Variants in HECW1 observed in about 807,000 individuals in gnomAD.
The protein encoded by HECW1 is HECT, C2 and WW domain containing E3 ubiquitin protein ligase 1, also known as E3 ubiquitin-protein ligase HECW1.
In HECW1, 61 loss-of-function variants were observed where a neutral mutation model predicts 182.3. That is an observed-to-expected ratio of 0.33 (90% CI 0.27 to 0.41). The LOEUF (loss-of-function observed/expected upper bound fraction) is 0.41. Among genes scored for constraint, HECW1 ranks in the 10% least tolerant of loss-of-function variants. HECW1 has a pLI of 1.00. For missense variants in HECW1, 1,739 were observed against 2,108.9 expected (o/e 0.82, Z 3.44); for synonymous variants, 859 against 832.6 (o/e 1.03, Z -0.55).
intron 2 of HECW1, among the ~76,000 whole-genome samples, chr7:43,162,214 A>G (rs1583763087): frequency 6.6e-6 from 1 of 152,340 alleles, no homozygotes; most frequent in South Asian, 2.1e-4. Context: ...TTAGTGGATC[A>G]GTTTCCTTGG....
chr7:43,401,962 G>A (rs990394966), intron 7 of HECW1, among the ~76,000 whole-genome samples: 1 of 152,038 alleles, frequency 6.6e-6, no homozygotes, highest in Non-Finnish European at 1.5e-5. Flanking sequence ...AAGGAGAGAA[G>A]AGAAGGAGCA....
intron 3 of HECW1, among the ~76,000 whole-genome samples, chr7:43,281,134 C>T (rs1184512619): frequency 3.3e-5 from 5 of 152,102 alleles, no homozygotes; most frequent in Admixed American, 1.3e-4. Flanking sequence ...CCCTCACCTC[C>T]GCCCACCCAA....
chr7:43,388,466 T>G (rs1338057160), intron 6 of HECW1, among the ~76,000 whole-genome samples: 1 of 152,160 alleles, frequency 6.6e-6, no homozygotes, highest in Admixed American at 6.5e-5. Context: ...AACTTCCTAA[T>G]TTTAATTACA....
At chr7:43,188,006 A>T (rs910525673) in intron 2 of HECW1, among the ~76,000 whole-genome samples, 1 of 152,216 alleles carries the variant, frequency 6.6e-6, no homozygotes, top group African/African-American at 2.4e-5. Flanking sequence ...GCACCGTAGC[A>T]CATACCTTGT....
chr7:43,413,516 T>G (rs1263612854), intron 8 of HECW1, among the ~76,000 whole-genome samples: 1 of 26,164 alleles, frequency 3.8e-5, no homozygotes. Context: ...GTTTTGGACA[T>G]GAAGTCCTTG....
intron 2 of HECW1, among the ~76,000 whole-genome samples, chr7:43,203,228 T>C (rs1035311543): frequency 3.3e-5 from 5 of 152,204 alleles, no homozygotes; most frequent in African/African-American, 9.6e-5. Flanking sequence ...ATATTATCTT[T>C]ATCATCATCA....
chr7:43,311,697 G>T (rs369668930), intron 3 of HECW1, 66 bp from the exon 4 acceptor site: 581 of 1,460,968 alleles, frequency 4.0e-4, no homozygotes, highest in Non-Finnish European at 5.0e-4. Context: ...TTTCGTTTTC[G>T]TGTGATGACG....
At chr7:43,264,089 G>A (rs73318492) in intron 3 of HECW1, among the ~76,000 whole-genome samples, 2,890 of 152,208 alleles carry the variant, frequency 0.019, 89 homozygotes, top group African/African-American at 0.065. Context: ...GTTATTTTTT[G>A]TGGTGAGAAC....
intron 16 of HECW1, among the ~76,000 whole-genome samples, chr7:43,478,787 T>TA (rs748260046): frequency 6.6e-6 from 1 of 152,120 alleles, no homozygotes; most frequent in Non-Finnish European, 1.5e-5. Flanking sequence ...CATTCTATAA[T>TA]AAAAAAGAGC....
intron 5 of HECW1, among the ~76,000 whole-genome samples, chr7:43,353,136 G>T (rs552641064): frequency 6.6e-6 from 1 of 151,784 alleles, no homozygotes; most frequent in African/African-American, 2.4e-5. Flanking sequence ...TGGTCACCCC[G>T]GCCCAAACTT....
At chr7:43,396,930 A>G (rs775172566) in intron 7 of HECW1, 41 bp downstream of exon 7, 1 of 1,429,212 alleles carries the variant, frequency 7.0e-7, no homozygotes, top group Non-Finnish European at 9.9e-7. Flanking sequence ...GAGACTAAGA[A>G]TGTCAACCAA....
chr7:43,407,418 A>AC, intron 7 of HECW1, 144 bp from the exon 8 acceptor site: 1 of 598,874 alleles, frequency 1.7e-6, no homozygotes. Context: ...TCACTCCTTC[A>AC]CCCCAGCCTG....
At chr7:43,537,298 A>G (rs1476626019) in intron 24 of HECW1, among the ~76,000 whole-genome samples, 1 of 152,238 alleles carries the variant, frequency 6.6e-6, no homozygotes, top group African/African-American at 2.4e-5. Context: ...AACTCTATTT[A>G]TGCCAAGTAA....
chr7:43,124,290 G>T (rs9791927), intron 2 of HECW1, among the ~76,000 whole-genome samples: 3 of 152,288 alleles, frequency 2.0e-5, no homozygotes, highest in Admixed American at 2.0e-4. Flanking sequence ...GTATAAATTC[G>T]CAAATAGCTT....
At chr7:43,287,405 T>G (rs943470843) in intron 3 of HECW1, among the ~76,000 whole-genome samples, 1 of 151,044 alleles carries the variant, frequency 6.6e-6, no homozygotes, top group Non-Finnish European at 1.5e-5. Context: ...GAGCCAGGAG[T>G]CCAGGGTTGC....
intron 17 of HECW1, among the ~76,000 whole-genome samples, chr7:43,489,902 A>G (rs1447101698): frequency 1.3e-5 from 2 of 152,184 alleles, no homozygotes; most frequent in East Asian, 3.8e-4. Context: ...ACTTGTCTAG[A>G]CTTTGTAGCA....
intron 2 of HECW1, among the ~76,000 whole-genome samples, chr7:43,127,661 TAATTCTCTCC>T: frequency 6.6e-6 from 1 of 151,948 alleles, no homozygotes; most frequent in South Asian, 2.1e-4. Flanking sequence ...AGCAAGTCCC[TAATTCTCTCC>T]AATTCTATGA....
Position 43,552,239 on chromosome 7 carries a change from G to C in HECW1, c.4413G>C (p.Leu1471=). Reference sequence around the variant, plus strand: ...CATTTCAGGTTGTAGACTCGAGGCTGGTGTCCGTGTTTGATGCCAGGGAGC... The same window carrying C: ...CATTTCAGGTTGTAGACTCGAGGCTCGTGTCCGTGTTTGATGCCAGGGAGC... ...RGFYEVVDSR[L]VSVFDARELE... Residue 1471 remains leucine, a synonymous_variant, in exon 28 of 30, where the codon CTG becomes CTC. Coordinates refer to ENST00000395891, the MANE Select transcript of HECW1 (RefSeq NM_015052.5). 1.9e-6 allele frequency: 3 copies of C among 1,613,238 alleles called. No homozygotes were observed. Among genetic ancestry groups the C allele is most frequent in the Non-Finnish European group, 2.5e-6 (3 of 1,179,200 alleles).
intron 3 of HECW1, among the ~76,000 whole-genome samples, chr7:43,289,106 C>CT (rs61444685): frequency 0.37 from 51,999 of 141,496 alleles, 12,801 homozygotes; most frequent in African/African-American, 0.71. Flanking sequence ...TTTCTCTTTT[C>CT]TTTTTTTTTT....
Sources: gnomAD v4.1 joint callset for allele counts (sites outside exome capture counted in the v4.1 genomes callset) on GRCh38, gnomAD v4.1.1 for gene constraint, MANE v1.5 for transcripts, NCBI Gene and HGNC (gene_info 2026-07-23, HGNC 2026-07-21) for gene names.